SIPA1L3: variants seen among roughly 807,000 people sequenced by gnomAD.
SIPA1L3 encodes the protein signal-induced proliferation-associated 1-like protein 3.
A neutral mutation model predicts 150.1 loss-of-function variants in SIPA1L3; 59 were observed. That is an observed-to-expected ratio of 0.39 (90% CI 0.32 to 0.49). The LOEUF (loss-of-function observed/expected upper bound fraction) is 0.49. Ranked by LOEUF, SIPA1L3 falls within the 20% of genes least tolerant of loss-of-function variation. The pLI is 0.86. For synonymous variants in SIPA1L3, 1,070 were observed against 1,077.6 expected (o/e 0.99, Z 0.14); for missense variants, 2,211 against 2,489.5 (o/e 0.89, Z 2.38).
intron 13 of SIPA1L3, among the ~76,000 whole-genome samples, chr19:38,159,941 T>C (rs898700335): frequency 3.3e-5 from 5 of 152,270 alleles, no homozygotes; most frequent in African/African-American, 1.2e-4. Context: ...GCATTTGTAA[T>C]TTCCATAGAT....
At chr19:38,080,276 G>C (rs192157614) in intron 2 of SIPA1L3, among the ~76,000 whole-genome samples, 2 of 152,266 alleles carry the variant, frequency 1.3e-5, no homozygotes, top group Admixed American at 1.3e-4. Context: ...AGAGCAGGTG[G>C]ACAATAGTCT....
chr19:37,976,144 C>T (rs1967071070), intron 1 of SIPA1L3, among the ~76,000 whole-genome samples: 1 of 147,744 alleles, frequency 6.8e-6, no homozygotes, highest in African/African-American at 2.5e-5. Flanking sequence ...GGGAGTTGGT[C>T]TCACAATGAG....
chr19:38,153,058 G>A, intron 13 of SIPA1L3, 91 bp downstream of exon 13: 2 of 1,457,350 alleles, frequency 1.4e-6, no homozygotes, highest in Non-Finnish European at 1.8e-6. Flanking sequence ...TCCCCCTCTT[G>A]TGAGTGACGG....
chr19:37,957,210 G>T (rs1027668150), intron 1 of SIPA1L3, among the ~76,000 whole-genome samples: 1 of 152,230 alleles, frequency 6.6e-6, no homozygotes, highest in Non-Finnish European at 1.5e-5. Flanking sequence ...AAATCGGGAA[G>T]TGTTAAGTCC....
intron 1 of SIPA1L3, among the ~76,000 whole-genome samples, chr19:37,988,280 A>G (rs188510084): frequency 5.1e-4 from 77 of 152,316 alleles, no homozygotes; most frequent in African/African-American, 1.6e-3. Flanking sequence ...ACACTTTGGG[A>G]GGCTTAGGTG....
intron 13 of SIPA1L3, among the ~76,000 whole-genome samples, chr19:38,161,168 C>G (rs1420560094): frequency 6.7e-6 from 1 of 149,314 alleles, no homozygotes; most frequent in Admixed American, 6.7e-5. Flanking sequence ...ATGGTGAAAC[C>G]CCGTCTCTAC....
chr19:38,107,657 G>A (rs1451487376), intron 7 of SIPA1L3, among the ~76,000 whole-genome samples: 1 of 152,156 alleles, frequency 6.6e-6, no homozygotes, highest in Non-Finnish European at 1.5e-5. Flanking sequence ...ATTTCCTAAG[G>A]TTCATCTAAA....
intron 13 of SIPA1L3, among the ~76,000 whole-genome samples, chr19:38,156,969 C>T (rs564261707): frequency 5.9e-5 from 9 of 151,816 alleles, no homozygotes; most frequent in East Asian, 1.9e-4. Flanking sequence ...TCGAAACCAG[C>T]GTGGGCAACC....
intron 1 of SIPA1L3, among the ~76,000 whole-genome samples, chr19:37,945,379 G>T (rs981706778): frequency 6.6e-6 from 1 of 151,984 alleles, no homozygotes; most frequent in African/African-American, 2.4e-5. Flanking sequence ...GACTACAGGC[G>T]TGTACCACCA....
rs528424456 is a variant in SIPA1L3, at chr19:38,105,516, T to C, written c.2030-1021T>C. Among the ~76,000 whole-genome samples the C allele has an allele frequency of 6.6e-5, 10 of 152,312 alleles. No individual in the cohort carries two copies. In the East Asian group the frequency reaches 1.9e-3, roughly 29 times the overall value. On this transcript the variant is annotated intron_variant, in intron 6 of 21. Coordinates refer to ENST00000222345, the MANE Select transcript of SIPA1L3 (RefSeq NM_015073.3). ...TGGGCTCAGTAAGCAGGTTTGCCTC[T>C]TCCTAGCCATAACCCTCCCTCCTAT...
chr19:37,949,155 C>T lies in SIPA1L3; in HGVS notation c.-379+41797C>T, dbSNP rs114621148. Among the ~76,000 whole-genome samples, 839 of 152,316 alleles carry T rather than the reference C, an allele frequency of 5.5e-3. 7 individuals carry two copies. Among genetic ancestry groups the T allele is most frequent in the African/African-American group, 0.019 (783 of 41,582 alleles). On this transcript the variant is annotated intron_variant, in intron 1 of 21. Coordinates refer to ENST00000222345, the MANE Select transcript of SIPA1L3 (RefSeq NM_015073.3). ...AGGATCGATAGGCCTGAGGCCTAGGCGATTTTCTGTCTCCATCTCCCATCT... is the reference window on the plus strand; with the variant it reads ...AGGATCGATAGGCCTGAGGCCTAGGTGATTTTCTGTCTCCATCTCCCATCT...
At chr19:37,925,590 CTTTTTTTTTTTTTT>C (rs761234489) in intron 1 of SIPA1L3, among the ~76,000 whole-genome samples, 1 of 110,790 alleles carries the variant, frequency 9.0e-6, no homozygotes. Context: ...TGATTTATTA[CTTTTTTTTTTTTTT>C]TTTTTTTTGA....
chr19:38,016,931 C>G (rs1968248451), intron 1 of SIPA1L3, among the ~76,000 whole-genome samples: 1 of 108,352 alleles, frequency 9.2e-6, no homozygotes, highest in South Asian at 3.3e-4. Context: ...GAGTCTCACT[C>G]TGTCACCCAG....
At position 38,046,440 on chromosome 19, in the gene SIPA1L3, G is replaced by A. The variant is rs1969059183; in HGVS notation, c.-311+17284G>A. On this transcript the variant is annotated intron_variant, in intron 2 of 21. Transcript: ENST00000222345. This position sits in a 1 kb window ranked among gnomAD's most constrained non-coding sequence, Gnocchi z 5.6. Reference sequence around the variant, plus strand: ...AGGTCGGGGGCCGTGGGGTGGTGGTGGAGTCTTTGACCTCATGCCGATCAA... The same window carrying A: ...AGGTCGGGGGCCGTGGGGTGGTGGTAGAGTCTTTGACCTCATGCCGATCAA... Among the ~76,000 whole-genome samples the A allele has an allele frequency of 1.3e-5, 2 of 152,176 alleles. No homozygotes were observed. Among genetic ancestry groups the A allele is most frequent in the South Asian group, 4.1e-4 (2 of 4,832 alleles).
chr19:38,069,654 A>G (rs1170672054), intron 2 of SIPA1L3, among the ~76,000 whole-genome samples: 1 of 151,650 alleles, frequency 6.6e-6, no homozygotes, highest in East Asian at 1.9e-4. Flanking sequence ...ACAGATACCT[A>G]TATATTTTTT....
At chr19:38,171,166 A>G (rs1212762917) in intron 15 of SIPA1L3, among the ~76,000 whole-genome samples, 1 of 152,126 alleles carries the variant, frequency 6.6e-6, no homozygotes, top group Non-Finnish European at 1.5e-5. Flanking sequence ...TCTATGAATT[A>G]GAGTTGCGTG....
At chr19:38,104,108 A>G (rs1030976281) in intron 6 of SIPA1L3, among the ~76,000 whole-genome samples, 4 of 151,986 alleles carry the variant, frequency 2.6e-5, no homozygotes, top group South Asian at 4.1e-4. Context: ...TCAGTCAGAC[A>G]TTGCTCTTCC....
At chr19:38,022,012 T>C (rs1968382349) in intron 1 of SIPA1L3, among the ~76,000 whole-genome samples, 1 of 152,260 alleles carries the variant, frequency 6.6e-6, no homozygotes, top group Admixed American at 6.5e-5. Context: ...CTGACATTGA[T>C]GTCTGTATAT....
At chr19:37,927,521 CGTGTGT>C (rs144453861) in intron 1 of SIPA1L3, among the ~76,000 whole-genome samples, 20,459 of 136,624 alleles carry the variant, frequency 0.15, 1,450 homozygotes, top group Middle Eastern at 0.27. Flanking sequence ...GTCTGTTGTT[CGTGTGT>C]GTGTGTGTGT....
Sources: gnomAD v4.1 joint callset for allele counts (sites outside exome capture counted in the v4.1 genomes callset) on GRCh38, gnomAD v4.1.1 for gene constraint, Gnocchi (gnomAD v3.1) non-coding constraint, MANE v1.5 for transcripts, NCBI Gene and HGNC (gene_info 2026-07-23, HGNC 2026-07-21) for gene names.